PALLD: variants seen among roughly 807,000 people sequenced by gnomAD.
PALLD encodes the protein palladin.
A neutral mutation model predicts 123.5 loss-of-function variants in PALLD; 61 were observed. The ratio of observed to expected loss-of-function variants is 0.49; its 90% CI spans 0.40 to 0.61. The LOEUF is 0.61. PALLD is among the 20% of genes least tolerant of loss of function. PALLD has a pLI of 0.00. For missense variants in PALLD, 1,273 were observed against 1,377.0 expected (o/e 0.92, Z 1.20); for synonymous variants, 465 against 496.4 (o/e 0.94, Z 0.84).
At chr4:168,527,445 G>A (rs1205690641) in intron 2 of PALLD, among the ~76,000 whole-genome samples, 288 of 60,464 alleles carry the variant, frequency 4.8e-3, no homozygotes, top group African/African-American at 7.4e-3. Context: ...AAAAAAAAAA[G>A]TCATGCTCAT....
intron 10 of PALLD, among the ~76,000 whole-genome samples, chr4:168,758,437 G>A (rs1336122871): frequency 1.3e-5 from 2 of 152,128 alleles, no homozygotes; most frequent in Non-Finnish European, 2.9e-5. Context: ...CTCCACGTCA[G>A]GCAGCCCTTC....
chr4:168,716,053 C>G (rs919912386), intron 10 of PALLD, among the ~76,000 whole-genome samples: 4 of 152,184 alleles, frequency 2.6e-5, no homozygotes, highest in African/African-American at 9.7e-5. Context: ...ATTTGCCAAG[C>G]ATATAGAAAG....
At chr4:168,794,506 G>GCACACA (rs57496563) in intron 10 of PALLD, among the ~76,000 whole-genome samples, 2,527 of 143,882 alleles carry the variant, frequency 0.018, 27 homozygotes, top group East Asian at 0.055. Flanking sequence ...ACACACACAC[G>GCACACA]CACACACACA....
intron 10 of PALLD, chr4:168,828,903 T>G (rs901055912): frequency 3.9e-5 from 6 of 152,276 alleles, no homozygotes; most frequent in African/African-American, 9.6e-5. Context: ...TGTGTATTTA[T>G]TCTCTGCCCC....
Position 168,913,985 on chromosome 4 carries a change from G to C in PALLD, c.2681G>C (p.Ser894Thr), listed in dbSNP as rs1288791432. 6.2e-7 allele frequency: 1 copy of C among 1,612,386 alleles called. No individual in the cohort carries two copies. The highest frequency in any genetic ancestry group is 1.7e-4 in the Middle Eastern group (1 of 6,060). ...MVQAVNQRGR[S>T]PRSPSGHPHV... The stretch of plus-strand genomic sequence containing the variant: ...CAGGCTGTCAACCAAAGAGGTCGAA[G>C]TCCCCGGTCTCCCTCAGGCCATCCT... The change falls in exon 16 of 22, where the codon AGT becomes ACT. Residue 894 changes from serine to threonine, a missense_variant. Around this residue, in one of 2 missense-constraint regions of PALLD, gnomAD observed 329 missense variants for 422.5 expected, o/e 0.78. Transcript: ENST00000505667.
chr4:168,649,544 C>T (rs1777822627), intron 2 of PALLD, among the ~76,000 whole-genome samples: 1 of 152,202 alleles, frequency 6.6e-6, no homozygotes, highest in African/African-American at 2.4e-5. Flanking sequence ...AATTTGCTTT[C>T]TGTGCCTCCA....
chr4:168,836,222 G>A (rs751876820), intron 10 of PALLD, among the ~76,000 whole-genome samples: 15 of 152,318 alleles, frequency 9.8e-5, no homozygotes, highest in East Asian at 5.8e-4. Flanking sequence ...TGCTCAATGC[G>A]CGTTAGCCCA....
intron 10 of PALLD, among the ~76,000 whole-genome samples, chr4:168,810,884 G>C (rs541697579): frequency 6.6e-6 from 1 of 152,098 alleles, no homozygotes; most frequent in Non-Finnish European, 1.5e-5. Context: ...ATAGTTAGAT[G>C]TGGACCCTGG....
intron 2 of PALLD, among the ~76,000 whole-genome samples, chr4:168,512,961 T>C (rs531145507): frequency 6.6e-6 from 1 of 151,856 alleles, no homozygotes; most frequent in East Asian, 1.9e-4. Flanking sequence ...CAGGTACTAA[T>C]CTCATTACCT....
At chr4:168,896,986 C>A (rs1424093812) in intron 13 of PALLD, among the ~76,000 whole-genome samples, 1 of 152,174 alleles carries the variant, frequency 6.6e-6, no homozygotes, top group Non-Finnish European at 1.5e-5. Flanking sequence ...TGCATGCCAA[C>A]ATGCCTGGCT....
At chr4:168,505,698 G>T (rs7666151) in intron 1 of PALLD, among the ~76,000 whole-genome samples, 20,712 of 152,196 alleles carry the variant, frequency 0.14, 2,641 homozygotes, top group African/African-American at 0.34. Context: ...CTGCTGTGAG[G>T]GTTTTAAATG....
At chr4:168,678,172 C>T (rs1356336419) in intron 3 of PALLD, 1 of 152,170 alleles carries the variant, frequency 6.6e-6, no homozygotes, top group East Asian at 1.9e-4. Flanking sequence ...TCAACAACAA[C>T]AGTGCTTTGC....
At chr4:168,696,421 T>C (rs942233279) in intron 8 of PALLD, among the ~76,000 whole-genome samples, 1 of 152,072 alleles carries the variant, frequency 6.6e-6, no homozygotes, top group Non-Finnish European at 1.5e-5. Context: ...GATTGTGCTA[T>C]AGGGAAGGCC....
chr4:168,778,980 C>T (rs1432691695), intron 10 of PALLD, among the ~76,000 whole-genome samples: 1 of 152,228 alleles, frequency 6.6e-6, no homozygotes, highest in Admixed American at 6.5e-5. Flanking sequence ...CTGCTCTAAA[C>T]ACTTGCTAAG....
At chr4:168,775,691 A>AT (rs1735086815) in intron 10 of PALLD, among the ~76,000 whole-genome samples, 1 of 152,078 alleles carries the variant, frequency 6.6e-6, no homozygotes, top group African/African-American at 2.4e-5. Context: ...CCTATGATCT[A>AT]TTTTAAGTCA....
intron 10 of PALLD, among the ~76,000 whole-genome samples, chr4:168,845,367 T>C (rs904804839): frequency 6.6e-6 from 1 of 152,144 alleles, no homozygotes; most frequent in Non-Finnish European, 1.5e-5. Context: ...TAGTTGGCCC[T>C]CTGGATCCCT....
At chr4:168,557,939 A>G (rs1767489247) in intron 2 of PALLD, among the ~76,000 whole-genome samples, 2 of 152,052 alleles carry the variant, frequency 1.3e-5, no homozygotes, top group African/African-American at 4.8e-5. Context: ...AGATAGGACA[A>G]TCCTTACTTG....
chr4:168,680,352 G>T (rs1781423229), intron 3 of PALLD, among the ~76,000 whole-genome samples: 1 of 151,274 alleles, frequency 6.6e-6, no homozygotes, highest in Non-Finnish European at 1.5e-5. Flanking sequence ...GCAGGGCGAG[G>T]TGGCACATGC....
intron 10 of PALLD, among the ~76,000 whole-genome samples, chr4:168,866,957 C>T (rs1187510781): frequency 2.6e-5 from 4 of 152,162 alleles, no homozygotes; most frequent in Non-Finnish European, 2.9e-5. Flanking sequence ...GAAAGGTCCT[C>T]TGTGTCTGAG....
Sources: gnomAD v4.1 joint callset for allele counts (sites outside exome capture counted in the v4.1 genomes callset) on GRCh38, gnomAD v4.1.1 for gene constraint, gnomAD v4.1.1 regional missense constraint, MANE v1.5 for transcripts, NCBI Gene and HGNC (gene_info 2026-07-23, HGNC 2026-07-21) for gene names.